The following ACAD11 variants were observed in gnomAD, a reference collection of about 807,000 sequenced individuals.
ACAD11 encodes the protein acyl-CoA dehydrogenase family member 11, also known as acyl-Coenzyme A dehydrogenase family, member 11.
ACAD11 carries 83 observed loss-of-function variants against 102.2 expected under a neutral mutation model. That is an observed-to-expected ratio of 0.81 (90% CI 0.68 to 0.97). The LOEUF (loss-of-function observed/expected upper bound fraction) is 0.97. Among genes scored for constraint, ACAD11 ranks in the 50% least tolerant of loss-of-function variants. The probability of loss-of-function intolerance (pLI) is 0.00; values close to 1 mark genes in which losing one functional copy is unlikely to be tolerated. For missense variants in ACAD11, 901 were observed against 951.7 expected (o/e 0.95, Z 0.70); for synonymous variants, 324 against 319.8 (o/e 1.01, Z -0.14).
chr3:132,632,460 T>C (rs1191091466), intron 5 of ACAD11, among the ~76,000 whole-genome samples: 3 of 152,202 alleles, frequency 2.0e-5, no homozygotes, highest in Non-Finnish European at 4.4e-5. Flanking sequence ...ATATAGCGTA[T>C]GATCCAATTT....
chr3:132,579,260 C>T (rs1937565084), intron 14 of ACAD11: 2 of 625,514 alleles, frequency 3.2e-6, no homozygotes, highest in Admixed American at 3.2e-5. Flanking sequence ...AATTTAGCAA[C>T]ACTTTCTAAT....
rs1329217713 is a variant in ACAD11 at position 132,590,698 on chromosome 3, A to G, written c.1622-11140T>C. Among the ~76,000 whole-genome samples the G allele has an allele frequency of 2.0e-5, 3 of 152,180 alleles. No individual in the cohort carries two copies. The East Asian group carries it at 5.8e-4, about 29-fold the overall frequency. The stretch of plus-strand genomic sequence containing the variant: ...ATTTTTTGACTTTTTAATAATAGCC[A>G]TCCTGACTGGCGTGAGATGGTATCT... On this transcript the variant is annotated intron_variant, in intron 13 of 19. Coordinates refer to ENST00000264990, the MANE Select transcript of ACAD11 (RefSeq NM_032169.5).
intron 5 of ACAD11, among the ~76,000 whole-genome samples, chr3:132,638,398 T>C (rs149419837): frequency 1.0e-3 from 158 of 152,230 alleles, no homozygotes; most frequent in African/African-American, 3.5e-3. Flanking sequence ...AAAATAAAAA[T>C]AGAGGCACAG....
chr3:132,575,979 C>G (rs755664566), intron 16 of ACAD11, 53 bp from the exon 17 acceptor site: 7 of 1,589,288 alleles, frequency 4.4e-6, no homozygotes, highest in Non-Finnish European at 6.0e-6. Context: ...TAGCCCATTC[C>G]TTTTGTTATT....
At position 132,605,137 on chromosome 3, in the gene ACAD11, G is replaced by C. The variant is rs375003975; in HGVS notation, c.1483C>G (p.Leu495Val). The C allele has an allele frequency of 7.4e-6, 12 of 1,613,428 alleles. No individual in the cohort carries two copies. The highest frequency in any genetic ancestry group is 8.5e-6 in the Non-Finnish European group (10 of 1,179,570). The change falls in exon 12 of 20, where the codon CTT becomes GTT. Residue 495 changes from leucine (L) to valine (V), a missense_variant. By Grantham distance (32) the Leu-to-Val change is conservative. Transcript: ENST00000264990. ...EEQKKQWLEP[L>V]LQGNITSCFC... ...CAAGAGGTAATGTTCCCTTGAAGAA[G>C]AGGCTCAAGCCACTGTTTCTTCTGT...
At chr3:132,659,138 G>A (rs867100550) in intron 1 of ACAD11, among the ~76,000 whole-genome samples, 1 of 152,292 alleles carries the variant, frequency 6.6e-6, no homozygotes, top group Admixed American at 6.5e-5. Context: ...GCCCAAAGTG[G>A]TGCTGTGACC....
At position 132,618,613 on chromosome 3, in the gene ACAD11, G is replaced by C. The variant is rs755202835; in HGVS notation, c.1414+21C>G. 8 of 1,530,216 alleles carry C rather than the reference G, an allele frequency of 5.2e-6. No homozygotes were observed. In the East Asian group the frequency reaches 2.0e-4, roughly 38 times the overall value. 94.8% of individuals were successfully genotyped at this position (1,530,216 alleles called of 1,614,324 possible). ...TGATCAAAATATTAGAAAAAATTAT[G>C]TTTTCAATTAATGTAGTAACCTGGT... On this transcript the variant is annotated intron_variant, in intron 11 of 19. Coordinates refer to ENST00000264990, the MANE Select transcript of ACAD11 (RefSeq NM_032169.5).
At chr3:132,589,629 T>C (rs1283846809) in intron 13 of ACAD11, among the ~76,000 whole-genome samples, 3 of 152,188 alleles carry the variant, frequency 2.0e-5, no homozygotes, top group Non-Finnish European at 4.4e-5. Flanking sequence ...GCATACTCCA[T>C]GGTGGGCATA....
intron 12 of ACAD11, among the ~76,000 whole-genome samples, chr3:132,603,604 T>G (rs1409008817): frequency 6.6e-6 from 1 of 152,214 alleles, no homozygotes; most frequent in Non-Finnish European, 1.5e-5. Flanking sequence ...TACAACCCAG[T>G]CCTTTCTCCA....
intron 7 of ACAD11, 129 bp from the exon 8 acceptor site, chr3:132,628,575 G>T (rs1194924875): frequency 1.2e-5 from 7 of 588,414 alleles, no homozygotes; most frequent in Non-Finnish European, 2.0e-5. Flanking sequence ...ACAGACTATC[G>T]ACGATATTAA....
intron 2 of ACAD11, among the ~76,000 whole-genome samples, chr3:132,643,630 G>C (rs551900263): frequency 1.7e-4 from 26 of 152,198 alleles, no homozygotes; most frequent in African/African-American, 6.0e-4. Context: ...GCAATAACTG[G>C]AAGAGGAAAG....
chr3:132,590,448 T>C (rs1330593296), intron 13 of ACAD11, among the ~76,000 whole-genome samples: 8 of 152,104 alleles, frequency 5.3e-5, no homozygotes, highest in Admixed American at 5.2e-4. Flanking sequence ...GGTTTTGCCA[T>C]GTTGGCCAGG....
chr3:132,567,328 T>C (rs560353046), intron 17 of ACAD11, among the ~76,000 whole-genome samples: 21 of 152,178 alleles, frequency 1.4e-4, no homozygotes, highest in African/African-American at 3.9e-4. Context: ...TAAAGGAAGG[T>C]AAAATGTCTA....
Position 132,639,512 on chromosome 3 carries a change from T to C in ACAD11, c.682A>G (p.Ile228Val), listed in dbSNP as rs1384300174. The C allele has an allele frequency of 3.1e-6, 5 of 1,613,618 alleles. No homozygotes were observed. The highest frequency in any genetic ancestry group is 3.3e-5 in the Admixed American group (2 of 59,916). ...LIHGDFRLDN[I>V]VFHPKECRVI... is the part of the protein sequence containing the mutation. ...TGTACCTCTTTAGGGTGGAAAACTA[T>C]GTTATCTAGTCTGAAATCTCCATGA... Residue 228 changes from isoleucine (I) to valine (V), a missense_variant, in exon 5 of 20, where the codon ATA (isoleucine) becomes GTA (valine). Transcript: ENST00000264990.
chr3:132,651,100 A>G (rs1027675545), intron 1 of ACAD11, among the ~76,000 whole-genome samples: 1 of 152,174 alleles, frequency 6.6e-6, no homozygotes, highest in African/African-American at 2.4e-5. Flanking sequence ...TAAGTGGTAG[A>G]TGTTTTTCCC....
At chr3:132,649,376 G>C (rs1253462377) in intron 1 of ACAD11, among the ~76,000 whole-genome samples, 2 of 152,230 alleles carry the variant, frequency 1.3e-5, no homozygotes, top group African/African-American at 4.8e-5. Flanking sequence ...GCCACCCTGT[G>C]GTGGGAGGTG....
In ACAD11 at chr3:132,558,249, T is replaced by C. The variant is rs944450933; in HGVS notation, c.*722A>G. The stretch of plus-strand genomic sequence containing the variant: ...ATCCACTTCAAATAAGGATACCTTT[T>C]ATAAAGTACTTTCTTGTGGTTTTAC... On this transcript the variant is annotated 3_prime_UTR_variant, in exon 20 of 20. Coordinates refer to ENST00000264990, the MANE Select transcript of ACAD11 (RefSeq NM_032169.5). The C allele has an allele frequency of 6.6e-6, 1 of 152,194 alleles. No individual in the cohort carries two copies. The highest frequency in any genetic ancestry group is 1.5e-5 in the Non-Finnish European group (1 of 68,032). 9.4% of individuals were successfully genotyped at this position (152,194 alleles called of 1,614,324 possible).
At chr3:132,654,851 T>C (rs1476044033) in intron 1 of ACAD11, among the ~76,000 whole-genome samples, 1 of 152,216 alleles carries the variant, frequency 6.6e-6, no homozygotes, top group African/African-American at 2.4e-5. Context: ...TTGGCACTGA[T>C]TCGTTGTGAA....
intron 17 of ACAD11, among the ~76,000 whole-genome samples, chr3:132,565,808 C>T (rs947492201): frequency 1.3e-5 from 2 of 152,110 alleles, no homozygotes. Context: ...TCTGTTGCCA[C>T]GTGATGTGCT....
Sources: gnomAD v4.1 joint callset for allele counts (sites outside exome capture counted in the v4.1 genomes callset) on GRCh38, gnomAD v4.1.1 for gene constraint, MANE v1.5 for transcripts, NCBI Gene and HGNC (gene_info 2026-07-23, HGNC 2026-07-21) for gene names.